The following PBX1 variants were observed in gnomAD, a reference collection of about 807,000 sequenced individuals.
PBX1 encodes the protein pre-B-cell leukemia transcription factor 1.
PBX1 carries 6 observed loss-of-function variants against 53.4 expected under a neutral mutation model. That is an observed-to-expected ratio of 0.11 (90% CI 0.06 to 0.22). PBX1 has a LOEUF of 0.22. Ranked by LOEUF, PBX1 falls within the 10% of genes least tolerant of loss-of-function variation. The probability of loss-of-function intolerance (pLI) is 1.00; values close to 1 mark genes in which losing one functional copy is unlikely to be tolerated. For synonymous variants in PBX1, 204 were observed against 212.3 expected, an observed-to-expected ratio of 0.96 and a Z score of 0.34; for missense variants, 251 against 551.4, an observed-to-expected ratio of 0.46 and a Z score of 5.46.
chr1:164,799,887 G>A lies in PBX1; in HGVS notation c.699G>A (p.Ala233=). 3.1e-6 allele frequency: 5 copies of A among 1,610,160 alleles called. No homozygotes were observed. The South Asian group carries it at 3.3e-5, about 11-fold the overall frequency. ...VMILRSRFLD[A]RRKRRNFNKQ... ...TCCTGCGTTCCCGATTTCTGGATGC[G>A]CGGTGAGTCTCCCATGGGGCTGTCC... The change falls in exon 4 of 9, where the codon GCG becomes GCA. Residue 233 remains alanine, a splice_region_variant and synonymous_variant. Coordinates refer to ENST00000420696, the MANE Select transcript of PBX1 (RefSeq NM_002585.4).
chr1:164,845,327 C>T (rs138899840), intron 8 of PBX1, among the ~76,000 whole-genome samples: 34 of 137,970 alleles, frequency 2.5e-4, no homozygotes, highest in East Asian at 1.8e-3. Context: ...AAAATGGGAA[C>T]GGCATACTCC....
chr1:164,688,074 C>T (rs778776052), intron 2 of PBX1, among the ~76,000 whole-genome samples: 1 of 152,096 alleles, frequency 6.6e-6, no homozygotes, highest in African/African-American at 2.4e-5. Flanking sequence ...GACCTTTGCC[C>T]GGGGGACACC....
chr1:164,798,608 G>A (rs1368548896), intron 3 of PBX1, among the ~76,000 whole-genome samples: 1 of 152,220 alleles, frequency 6.6e-6, no homozygotes, highest in African/African-American at 2.4e-5. Context: ...GTGTGCCTGT[G>A]GAAATGTCCC....
chr1:164,848,035 G>T lies in PBX1; in HGVS notation c.*1359G>T, dbSNP rs1007579477. ...AAATGTTATACCACACTATGTTCTT[G>T]GTCCTGACCTATTGCTCTGGAGGAA... On this transcript the variant is annotated 3_prime_UTR_variant, in exon 9 of 9. Coordinates refer to ENST00000420696, the MANE Select transcript of PBX1 (RefSeq NM_002585.4). 3.8e-6 allele frequency: 4 copies of T among 1,049,896 alleles called. No individual in the cohort carries two copies. Among genetic ancestry groups the T allele is most frequent in the South Asian group, 4.6e-5 (1 of 21,854 alleles). 65.0% of individuals were successfully genotyped at this position (1,049,896 alleles called of 1,614,324 possible).
At chr1:164,801,262 A>G (rs1210099616) in intron 4 of PBX1, among the ~76,000 whole-genome samples, 1 of 152,016 alleles carries the variant, frequency 6.6e-6, no homozygotes, top group South Asian at 2.1e-4. Context: ...CCTCTCCCTC[A>G]CCCGTGGCCT....
intron 2 of PBX1, among the ~76,000 whole-genome samples, chr1:164,598,799 C>T (rs1655945723): frequency 6.6e-6 from 1 of 152,298 alleles, no homozygotes; most frequent in African/African-American, 2.4e-5. Context: ...TTGTGTCATA[C>T]CTCGGAGCGT....
chr1:164,855,466 T>C (rs1671958430), downstream of PBX1, among the ~76,000 whole-genome samples: 1 of 136,606 alleles, frequency 7.3e-6, no homozygotes, highest in Non-Finnish European at 1.6e-5. Context: ...TGAATCTTTC[T>C]AGTATCCCAT....
rs550825665 is a variant in PBX1, at chr1:164,780,390, A to T, written c.266-12104A>T. Among the ~76,000 whole-genome samples the T allele has an allele frequency of 6.6e-5, 10 of 152,324 alleles. No homozygotes were observed. The South Asian group carries it at 2.1e-3, about 32-fold the overall frequency. On this transcript the variant is annotated intron_variant, in intron 2 of 8. Transcript: ENST00000420696. ...TTTACTTGAAATCTACTTCTCCTTTAAAATGTCCCCCTGGAAACTTGAATC... is the reference window on the plus strand; with the variant it reads ...TTTACTTGAAATCTACTTCTCCTTTTAAATGTCCCCCTGGAAACTTGAATC...
At chr1:164,803,340 A>AT (rs1161660163) in intron 4 of PBX1, among the ~76,000 whole-genome samples, 46 of 152,238 alleles carry the variant, frequency 3.0e-4, no homozygotes, top group African/African-American at 1.0e-3. Context: ...GAGAGGGCCT[A>AT]AAATACTGAG....
At chr1:164,673,765 T>C (rs117998226) in intron 2 of PBX1, among the ~76,000 whole-genome samples, 2,450 of 152,240 alleles carry the variant, frequency 0.016, 48 homozygotes, top group South Asian at 0.056. Context: ...ATGAAACTTT[T>C]ATGGGAATGC....
chr1:164,805,075 TA>T (rs1669280830), intron 4 of PBX1, among the ~76,000 whole-genome samples: 2 of 152,184 alleles, frequency 1.3e-5, no homozygotes, highest in South Asian at 4.1e-4. Flanking sequence ...GAGTCTTTTA[TA>T]AAAAACTTAC....
At chr1:164,568,447 A>T (rs1201168416) in intron 2 of PBX1, among the ~76,000 whole-genome samples, 1 of 152,112 alleles carries the variant, frequency 6.6e-6, no homozygotes, top group East Asian at 1.9e-4. Context: ...ATTCATTTTC[A>T]TTGCCATATT....
At chr1:164,644,763 T>TA (rs1389740942) in intron 2 of PBX1, among the ~76,000 whole-genome samples, 1 of 152,214 alleles carries the variant, frequency 6.6e-6, no homozygotes, top group Non-Finnish European at 1.5e-5. Context: ...TCCAGACTGT[T>TA]ATTAAAGAGT....
chr1:164,614,981 A>G (rs889872095), intron 2 of PBX1, among the ~76,000 whole-genome samples: 2 of 152,010 alleles, frequency 1.3e-5, no homozygotes, highest in Admixed American at 1.3e-4. Flanking sequence ...CACCATGTTG[A>G]CCAGGCTGGT....
At chr1:164,661,874 G>A (rs1011958978) in intron 2 of PBX1, among the ~76,000 whole-genome samples, 2 of 152,044 alleles carry the variant, frequency 1.3e-5, no homozygotes, top group African/African-American at 2.4e-5. Context: ...TTTCAAGCAG[G>A]GATAGGTTGT....
chr1:164,630,140 G>C (rs147921667), intron 2 of PBX1, among the ~76,000 whole-genome samples: 1 of 152,106 alleles, frequency 6.6e-6, no homozygotes, highest in South Asian at 2.1e-4. Flanking sequence ...GATGCTCGTG[G>C]GACAGTACGT....
At chr1:164,735,876 A>C (rs1665238976) in intron 2 of PBX1, among the ~76,000 whole-genome samples, 1 of 152,198 alleles carries the variant, frequency 6.6e-6, no homozygotes, top group South Asian at 2.1e-4. Flanking sequence ...GGCTGGACAA[A>C]GCATGAGGCA....
At chr1:164,717,216 A>G (rs1664154863) in intron 2 of PBX1, among the ~76,000 whole-genome samples, 3 of 152,224 alleles carry the variant, frequency 2.0e-5, no homozygotes, top group Non-Finnish European at 1.5e-5. Context: ...CATAGCTGCC[A>G]GGATGAGAGG....
chr1:164,653,295 G>A (rs756886457), intron 2 of PBX1, among the ~76,000 whole-genome samples: 8 of 150,594 alleles, frequency 5.3e-5, no homozygotes, highest in South Asian at 4.2e-4. Flanking sequence ...CCTTATTATC[G>A]AGTGGTATTC....
Sources: gnomAD v4.1 joint callset for allele counts (sites outside exome capture counted in the v4.1 genomes callset) on GRCh38, gnomAD v4.1.1 for gene constraint, MANE v1.5 for transcripts, NCBI Gene and HGNC (gene_info 2026-07-23, HGNC 2026-07-21) for gene names.